SCARB1: variants seen among roughly 807,000 people sequenced by gnomAD.
SCARB1 encodes scavenger receptor class B member 1.
Under a neutral mutation model 57.2 loss-of-function variants are expected in SCARB1, and 30 were observed. That is an observed-to-expected ratio of 0.52 (90% CI 0.39 to 0.71). SCARB1 has a LOEUF of 0.71. Ranked by LOEUF, SCARB1 falls within the 30% of genes least tolerant of loss-of-function variation. SCARB1 has a pLI of 0.00. For missense variants in SCARB1, 543 were observed against 671.2 expected (o/e 0.81, Z 2.11); for synonymous variants, 249 against 268.3 (o/e 0.93, Z 0.70).
chr12:124,823,397 A>C (rs1951017984), intron 1 of SCARB1, among the ~76,000 whole-genome samples: 1 of 152,256 alleles, frequency 6.6e-6, no homozygotes, highest in Non-Finnish European at 1.5e-5. Context: ...GCTTGACATC[A>C]TCAGGGAAAT....
intron 6 of SCARB1, among the ~76,000 whole-genome samples, chr12:124,808,818 A>C (rs1950413486): frequency 6.6e-6 from 1 of 151,196 alleles, no homozygotes; most frequent in African/African-American, 2.5e-5. Context: ...CCAGATTTCT[A>C]ATACTTGCTA....
At chr12:124,795,163 C>G in intron 9 of SCARB1, 32 bp downstream of exon 9, 1 of 1,565,778 alleles carries the variant, frequency 6.4e-7, no homozygotes, top group Admixed American at 1.7e-5. Context: ...TCTCAATGAG[C>G]AATGCAGCCC....
At chr12:124,838,857 C>A (rs914467270) in intron 1 of SCARB1, among the ~76,000 whole-genome samples, 4 of 142,790 alleles carry the variant, frequency 2.8e-5, no homozygotes, top group African/African-American at 1.0e-4. Flanking sequence ...CTCACTGCAA[C>A]CTCTGCCTCC....
At chr12:124,833,692 C>T (rs1183608606) in intron 1 of SCARB1, among the ~76,000 whole-genome samples, 2 of 152,124 alleles carry the variant, frequency 1.3e-5, no homozygotes, top group African/African-American at 4.8e-5. Flanking sequence ...ACATTTGCCC[C>T]GTGCACCCCT....
chr12:124,829,361 C>T (rs1279130541), intron 1 of SCARB1, among the ~76,000 whole-genome samples: 3 of 152,154 alleles, frequency 2.0e-5, no homozygotes, highest in Non-Finnish European at 2.9e-5. Context: ...CCCCCCGCCC[C>T]GTTCTCCCCA....
intron 1 of SCARB1, among the ~76,000 whole-genome samples, chr12:124,840,852 A>G (rs1033206544): frequency 1.3e-5 from 2 of 152,082 alleles, no homozygotes; most frequent in African/African-American, 2.4e-5. Context: ...TCCCTTCTCC[A>G]GACAGCAGCC....
At chr12:124,798,216 G>C (rs1000322657) in intron 8 of SCARB1, among the ~76,000 whole-genome samples, 2 of 152,168 alleles carry the variant, frequency 1.3e-5, no homozygotes, top group African/African-American at 4.8e-5. Flanking sequence ...TTCCAGACCA[G>C]CTTGGTCAGG....
chr12:124,863,825 C>G lies in SCARB1; in HGVS notation c.-105G>C. The G allele has an allele frequency of 1.5e-6, 2 of 1,310,536 alleles. No individual in the cohort carries two copies. The highest frequency in any genetic ancestry group is 2.0e-6 in the Non-Finnish European group (2 of 1,018,662). The allele number at this position is 1,310,536 out of a possible 1,614,324, so 81.2% of individuals were successfully genotyped here. On this transcript the variant is annotated 5_prime_UTR_variant, in exon 1 of 13. Transcript: ENST00000261693. ...AGGCGGGGACTCCGGGCACGCAGGC[C>G]GCAGAGGCACGGTGGATCCGGGACG...
At chr12:124,833,783 T>G (rs1308256572) in intron 1 of SCARB1, among the ~76,000 whole-genome samples, 2 of 152,214 alleles carry the variant, frequency 1.3e-5, no homozygotes, top group Non-Finnish European at 2.9e-5. Context: ...CCCAGTGTCC[T>G]CTTTAATGGG....
At chr12:124,845,341 A>G (rs756142379) in intron 1 of SCARB1, among the ~76,000 whole-genome samples, 4 of 152,088 alleles carry the variant, frequency 2.6e-5, no homozygotes, top group Non-Finnish European at 5.9e-5. Context: ...ACCCCAAAAC[A>G]TGACGCTAAG....
chr12:124,808,282 C>G (rs1002093031), intron 6 of SCARB1, among the ~76,000 whole-genome samples: 15 of 151,928 alleles, frequency 9.9e-5, no homozygotes, highest in Non-Finnish European at 1.2e-4. Flanking sequence ...ATAGTGAGAC[C>G]CAGTCTCTAA....
At chr12:124,852,377 T>C (rs535882637) in intron 1 of SCARB1, among the ~76,000 whole-genome samples, 1 of 152,160 alleles carries the variant, frequency 6.6e-6, no homozygotes, top group African/African-American at 2.4e-5. Context: ...GGCTTTGGGG[T>C]GTTCCCCAGG....
Position 124,789,531 on chromosome 12 carries a change from T to C in SCARB1, c.1203-2074A>G, listed in dbSNP as rs144809196. Among the ~76,000 whole-genome samples, 23 of 152,124 alleles carry C rather than the reference T, an allele frequency of 1.5e-4. No individual in the cohort carries two copies. The East Asian group carries it at 3.7e-3, about 24-fold the overall frequency. Reference sequence around the variant, plus strand: ...GTCCTGGAATATCTAGGTGGGTCCATGCAGATATGGTTACATCAAGGTTCT... The same window carrying C: ...GTCCTGGAATATCTAGGTGGGTCCACGCAGATATGGTTACATCAAGGTTCT... On this transcript the variant is annotated intron_variant, in intron 9 of 12. Coordinates refer to ENST00000261693, the MANE Select transcript of SCARB1 (RefSeq NM_005505.5). The surrounding 1 kb of genome is among the most constrained non-coding windows in gnomAD (Gnocchi z 4.4).
At chr12:124,863,511 C>A in intron 1 of SCARB1, 84 bp downstream of exon 1, 2 of 1,461,202 alleles carry the variant, frequency 1.4e-6, no homozygotes, top group South Asian at 2.5e-5. Context: ...GTCGCCCACC[C>A]ACCGCAACGC....
intron 1 of SCARB1, among the ~76,000 whole-genome samples, chr12:124,838,774 C>CTT (rs1951793280): frequency 1.6e-5 from 1 of 63,864 alleles, no homozygotes; most frequent in Non-Finnish European, 3.9e-5. Context: ...ACCAACTTAG[C>CTT]CTTTTTTTTT....
chr12:124,791,026 T>C (rs1257998712), intron 9 of SCARB1, among the ~76,000 whole-genome samples: 3 of 152,242 alleles, frequency 2.0e-5, no homozygotes, highest in Admixed American at 2.0e-4. Flanking sequence ...TTTCAGTACC[T>C]GCCAGGCAGA....
chr12:124,795,421 T>TA (rs369931297), intron 8 of SCARB1, among the ~76,000 whole-genome samples, 153 bp from the exon 9 acceptor site: 1 of 151,638 alleles, frequency 6.6e-6, no homozygotes, highest in Non-Finnish European at 1.5e-5. Context: ...AGCCACAGGC[T>TA]GGGGGGGGTC....
intron 9 of SCARB1, among the ~76,000 whole-genome samples, chr12:124,792,646 C>T (rs760453034): frequency 2.8e-5 from 4 of 143,574 alleles, no homozygotes; most frequent in Non-Finnish European, 4.5e-5. Context: ...CGCTGGAACC[C>T]GGGAGGCAGA....
intron 1 of SCARB1, among the ~76,000 whole-genome samples, chr12:124,834,512 C>T (rs1951546430): frequency 6.6e-6 from 1 of 152,222 alleles, no homozygotes; most frequent in Non-Finnish European, 1.5e-5. Flanking sequence ...TACAGAACGA[C>T]TTTTGGTGTG....
Sources: gnomAD v4.1 joint callset for allele counts (sites outside exome capture counted in the v4.1 genomes callset) on GRCh38, gnomAD v4.1.1 for gene constraint, Gnocchi (gnomAD v3.1) non-coding constraint, MANE v1.5 for transcripts, NCBI Gene and HGNC (gene_info 2026-07-23, HGNC 2026-07-21) for gene names.